Variants in LRP8 observed in about 807,000 individuals in gnomAD.
The protein encoded by LRP8 is low-density lipoprotein receptor-related protein 8.
A neutral mutation model predicts 111.6 loss-of-function variants in LRP8; 46 were observed. The ratio of observed to expected loss-of-function variants is 0.41; its 90% confidence interval spans 0.33 to 0.53. The LOEUF (loss-of-function observed/expected upper bound fraction) is 0.53, where lower values mean the gene tolerates loss of function less well. Among genes scored for constraint, LRP8 ranks in the 20% least tolerant of loss-of-function variants. The pLI is 0.20. For synonymous variants in LRP8, 464 were observed against 511.2 expected, an observed-to-expected ratio of 0.91 and a Z score of 1.24; for missense variants, 959 against 1,297.4, an observed-to-expected ratio of 0.74 and a Z score of 4.01.
At chr1:53,255,067 G>A (rs1476649267) in intron 16 of LRP8, 50 bp downstream of exon 16, 1 of 1,591,636 alleles carries the variant, frequency 6.3e-7, no homozygotes, top group African/African-American at 1.3e-5. Context: ...TCTTCCCTAG[G>A]CCTAAGCAGG....
At chr1:53,322,619 C>A (rs1471717172) in intron 2 of LRP8, among the ~76,000 whole-genome samples, 1 of 152,164 alleles carries the variant, frequency 6.6e-6, no homozygotes, top group Non-Finnish European at 1.5e-5. Context: ...ACTTTATTCT[C>A]TGGATAGTTG....
chr1:53,289,649 G>A lies in LRP8; in HGVS notation c.285C>T (p.Asn95=), dbSNP rs192069123. The A allele has an allele frequency of 1.7e-5, 27 of 1,613,760 alleles. No homozygotes were observed. In the East Asian group the frequency reaches 2.2e-4, roughly 13 times the overall value. ...TCCACCGTTCGTGGATGCAGTGGCC[G>A]TTGTCACAGGTGAAGTCACTGTCTG... is the stretch of plus-strand genomic sequence containing the variant. The part of the protein sequence containing the change: ...TCADSDFTCD[N]GHCIHERWKC... Residue 95 remains asparagine, a synonymous_variant, in exon 3 of 19, where the codon AAC becomes AAT. Coordinates refer to ENST00000306052, the MANE Select transcript of LRP8 (RefSeq NM_004631.5).
At chr1:53,300,859 C>T (rs140722904) in intron 2 of LRP8, among the ~76,000 whole-genome samples, 57 of 152,316 alleles carry the variant, frequency 3.7e-4, no homozygotes, top group African/African-American at 1.3e-3. Flanking sequence ...TCCAGGCTGC[C>T]CTTGACCTCT....
At chr1:53,310,616 C>T (rs539215337) in intron 2 of LRP8, among the ~76,000 whole-genome samples, 54 of 152,260 alleles carry the variant, frequency 3.5e-4, no homozygotes, top group African/African-American at 1.1e-3. Context: ...GTCTTTTCTG[C>T]GCTGCTCTGA....
At chr1:53,272,710 C>T in intron 6 of LRP8, 1 of 1,282,826 alleles carries the variant, frequency 7.8e-7, no homozygotes, top group East Asian at 5.6e-5. Flanking sequence ...AGGCCCAGCC[C>T]TGGGAAGCCT....
In LRP8 at chr1:53,289,732, A is replaced by G. The variant is rs757222158; in HGVS notation, c.245-43T>C. 1.7e-5 allele frequency: 27 copies of G among 1,608,956 alleles called. No homozygotes were observed. The South Asian group carries it at 2.6e-4, about 16-fold the overall frequency. Reference sequence around the variant, plus strand: ...GAGCGTGGTGAGCCTGGGAGCAGTCAGGAGGGTGGTGGGCCGACCAGGATG... The same window carrying G: ...GAGCGTGGTGAGCCTGGGAGCAGTCGGGAGGGTGGTGGGCCGACCAGGATG... On this transcript the variant is annotated intron_variant, in intron 2 of 18. Transcript: ENST00000306052.
intron 2 of LRP8, among the ~76,000 whole-genome samples, chr1:53,318,332 TG>T (rs1654074856): frequency 6.6e-6 from 1 of 151,916 alleles, no homozygotes; most frequent in Non-Finnish European, 1.5e-5. Flanking sequence ...GGCCTGGATA[TG>T]GCTGCTTTGT....
intron 2 of LRP8, among the ~76,000 whole-genome samples, chr1:53,295,402 C>T (rs1649513244): frequency 6.6e-6 from 1 of 152,122 alleles, no homozygotes; most frequent in Non-Finnish European, 1.5e-5. Flanking sequence ...AGTTGTTCAC[C>T]AAGTTGTGCA....
chr1:53,310,943 T>C (rs988840438), intron 2 of LRP8, among the ~76,000 whole-genome samples: 48 of 152,052 alleles, frequency 3.2e-4, no homozygotes, highest in African/African-American at 1.1e-3. Flanking sequence ...AGGTGCCAAA[T>C]CGACCCCGGG....
intron 6 of LRP8, among the ~76,000 whole-genome samples, chr1:53,272,059 T>TG (rs1646775040): frequency 6.6e-6 from 1 of 151,858 alleles, no homozygotes; most frequent in Admixed American, 6.6e-5. Flanking sequence ...CAACACAGGA[T>TG]GCCCCCCCTA....
Position 53,249,561 on chromosome 1 carries a change from C to T in LRP8, c.2677-5G>A. 6.3e-7 allele frequency: 1 copy of T among 1,587,662 alleles called. No individual in the cohort carries two copies. The highest frequency in any genetic ancestry group is 8.6e-7 in the Non-Finnish European group (1 of 1,167,068). ...GCGATCAAAGCTGCTGATTGCCTGA[C>T]AGGGGGATGGCACTGTGGATGACCT... On this transcript the variant is annotated splice_polypyrimidine_tract_variant and splice_region_variant and intron_variant, in intron 17 of 18. Coordinates refer to ENST00000306052, the MANE Select transcript of LRP8 (RefSeq NM_004631.5). This position sits in a 1 kb window ranked among gnomAD's most constrained non-coding sequence, Gnocchi z 4.1.
At position 53,262,540 on chromosome 1, in the gene LRP8, C is replaced by A. The variant is rs1305804861; in HGVS notation, c.1680G>T (p.Gly560=). 6.2e-7 allele frequency: 1 copy of A among 1,614,046 alleles called. No individual in the cohort carries two copies. Among genetic ancestry groups the A allele is most frequent in the African/African-American group, 1.3e-5 (1 of 74,930 alleles). The change falls in exon 11 of 19, where the codon GGG becomes GGT. Residue 560 remains glycine, a synonymous_variant. Transcript: ENST00000306052. This position sits in a 1 kb window ranked among gnomAD's most constrained non-coding sequence, Gnocchi z 4.8. ...LRGFMYWSDW[G]DQAKIEKSGL... is the part of the protein sequence containing the mutation. Reference sequence around the variant, plus strand: ...CAGATTTCTCAATCTTGGCCTGGTCCCCCCAGTCAGACCAATACATGAACC... The same window carrying A: ...CAGATTTCTCAATCTTGGCCTGGTCACCCCAGTCAGACCAATACATGAACC...
chr1:53,281,132 C>T (rs1032919478), intron 3 of LRP8, among the ~76,000 whole-genome samples: 2 of 152,198 alleles, frequency 1.3e-5, no homozygotes, highest in African/African-American at 4.8e-5. Context: ...CTCAGTTTGC[C>T]TTCCAGATCA....
In LRP8 at chr1:53,243,126, T is replaced by C. The variant is rs574103941; in HGVS notation, c.*3892A>G. ...GAATTATTTACTCTGAAACATTTAA[T>C]GCTAACTCATTTATATTTTGTGAAA... On this transcript the variant is annotated 3_prime_UTR_variant, in exon 19 of 19. Transcript: ENST00000306052. 1.3e-5 allele frequency: 2 copies of C among 152,332 alleles called. No individual in the cohort carries two copies. Among genetic ancestry groups the C allele is most frequent in the South Asian group, 2.1e-4 (1 of 4,826 alleles). 9.4% of individuals were successfully genotyped at this position (152,332 alleles called of 1,614,324 possible). A position where few individuals can be genotyped will look rare whatever the true frequency, so the allele number is the denominator to read the frequency against.
At chr1:53,301,064 A>G (rs1397557588) in intron 2 of LRP8, among the ~76,000 whole-genome samples, 1 of 151,750 alleles carries the variant, frequency 6.6e-6, no homozygotes, top group Non-Finnish European at 1.5e-5. Flanking sequence ...TGTAGTCAGC[A>G]CCCGCTCCGG....
intron 2 of LRP8, among the ~76,000 whole-genome samples, chr1:53,292,590 C>T (rs1052755277): frequency 6.6e-6 from 1 of 152,202 alleles, no homozygotes; most frequent in African/African-American, 2.4e-5. Context: ...GTTTTCCCCC[C>T]ACAAGAAGCT....
In LRP8 at chr1:53,318,689, A is replaced by G. The variant is rs1221281019; in HGVS notation, c.244+8184T>C. 2.0e-5 allele frequency among the ~76,000 whole-genome samples: 3 copies of G among 152,206 alleles called. No homozygotes were observed. The East Asian group carries it at 5.8e-4, about 29-fold the overall frequency. ...AAATTATGGAAGATCCACACAATAC[A>G]ATACTATCTAGCCCTTTAAAACAAG... On this transcript the variant is annotated intron_variant, in intron 2 of 18. Coordinates refer to ENST00000306052, the MANE Select transcript of LRP8 (RefSeq NM_004631.5).
chr1:53,327,968 C>A lies in LRP8; in HGVS notation c.-56G>T. The A allele has an allele frequency of 9.7e-7, 1 of 1,029,678 alleles. No homozygotes were observed. Among genetic ancestry groups the A allele is most frequent in the Non-Finnish European group, 1.2e-6 (1 of 858,036 alleles). The allele number at this position is 1,029,678 out of a possible 1,614,324, so 63.8% of individuals were successfully genotyped here. ...CGCGCTCCCCGCGCCGCCGCCGCCG[C>A]GTCTCAGCCCTCCGAGTCCTTGCCG... On this transcript the variant is annotated 5_prime_UTR_variant, in exon 1 of 19. Transcript: ENST00000306052.
At chr1:53,285,138 G>A (rs1470746285) in intron 3 of LRP8, among the ~76,000 whole-genome samples, 2 of 152,204 alleles carry the variant, frequency 1.3e-5, no homozygotes, top group Non-Finnish European at 2.9e-5. Flanking sequence ...AATGAAGAAA[G>A]TAAAGCCCAG....
Sources: allele counts gnomAD v4.1 joint callset (sites outside exome capture counted in the v4.1 genomes callset), GRCh38; gene constraint gnomAD v4.1.1; non-coding constraint Gnocchi (gnomAD v3.1); transcripts MANE v1.5; gene names NCBI Gene and HGNC (gene_info 2026-07-23, HGNC 2026-07-21).